The following FAM135B variants were observed in gnomAD, a reference collection of about 807,000 sequenced individuals.
The protein encoded by FAM135B is protein FAM135B.
In FAM135B, 43 loss-of-function variants were observed where a neutral mutation model predicts 127.7. The ratio of observed to expected loss-of-function variants is 0.34; its 90% CI spans 0.26 to 0.43. The LOEUF (loss-of-function observed/expected upper bound fraction) is 0.43. Among genes scored for constraint, FAM135B ranks in the 20% least tolerant of loss-of-function variants. The pLI, the probability that FAM135B is intolerant of heterozygous loss-of-function variation, is 1.00. For synonymous variants in FAM135B, 670 were observed against 665.1 expected (o/e 1.01, Z -0.11); for missense variants, 1,558 against 1,725.6 (o/e 0.90, Z 1.72).
At chr8:138,143,886 T>A (rs1373032160) in intron 15 of FAM135B, among the ~76,000 whole-genome samples, 1 of 152,078 alleles carries the variant, frequency 6.6e-6, no homozygotes, top group Non-Finnish European at 1.5e-5. Context: ...AAGGAGTACG[T>A]GTTGGAGGAT....
chr8:138,465,177 T>G (rs1020545983), intron 1 of FAM135B, among the ~76,000 whole-genome samples: 1 of 152,022 alleles, frequency 6.6e-6, no homozygotes. Context: ...AGTTCCAAAG[T>G]AGGGGGAAAG....
At chr8:138,168,157 G>A in intron 11 of FAM135B, 108 bp from the exon 12 acceptor site, 3 of 1,230,422 alleles carry the variant, frequency 2.4e-6, no homozygotes, top group Non-Finnish European at 3.3e-6. Context: ...GCTGACTCTG[G>A]CAATTGTCTG....
chr8:138,476,722 C>T (rs1814475125), intron 1 of FAM135B, among the ~76,000 whole-genome samples: 1 of 152,106 alleles, frequency 6.6e-6, no homozygotes, highest in Non-Finnish European at 1.5e-5. Context: ...AATTAAAGGG[C>T]TCTGGGCAAA....
intron 4 of FAM135B, among the ~76,000 whole-genome samples, chr8:138,259,415 A>G (rs1379165094): frequency 6.6e-6 from 1 of 152,214 alleles, no homozygotes; most frequent in Non-Finnish European, 1.5e-5. Flanking sequence ...TCTCATCCAT[A>G]AAATGGGAGT....
intron 1 of FAM135B, among the ~76,000 whole-genome samples, chr8:138,495,088 G>A (rs1815342202): frequency 6.6e-6 from 1 of 152,188 alleles, no homozygotes; most frequent in Non-Finnish European, 1.5e-5. Context: ...GATGTTTAAT[G>A]ATTTGCCAAT....
At chr8:138,148,721 G>A (rs2130696158) in intron 13 of FAM135B, 35 bp from the exon 14 acceptor site, 1 of 1,526,290 alleles carries the variant, frequency 6.6e-7, no homozygotes, top group Non-Finnish European at 9.0e-7. Flanking sequence ...AAGCCAAGCT[G>A]TGTACTTCAT....
At chr8:138,406,744 T>C (rs1833522816) in intron 1 of FAM135B, among the ~76,000 whole-genome samples, 1 of 151,012 alleles carries the variant, frequency 6.6e-6, no homozygotes, top group African/African-American at 2.4e-5. Context: ...AAATTAGGTA[T>C]TGATGGGACG....
intron 7 of FAM135B, among the ~76,000 whole-genome samples, chr8:138,229,775 G>A (rs1819772923): frequency 6.6e-6 from 1 of 152,154 alleles, no homozygotes; most frequent in Non-Finnish European, 1.5e-5. Context: ...TACAATCATG[G>A]CAAATGGCAC....
chr8:138,133,746 G>A (rs1816390558), intron 19 of FAM135B, among the ~76,000 whole-genome samples: 1 of 152,156 alleles, frequency 6.6e-6, no homozygotes, highest in Non-Finnish European at 1.5e-5. Flanking sequence ...GCCACGTGAA[G>A]GAACTCAACA....
chr8:138,442,728 C>G (rs946954288), intron 1 of FAM135B, among the ~76,000 whole-genome samples: 1 of 152,032 alleles, frequency 6.6e-6, no homozygotes, highest in Non-Finnish European at 1.5e-5. Context: ...ACCAAGTCCC[C>G]TTAGTAATGA....
intron 11 of FAM135B, among the ~76,000 whole-genome samples, chr8:138,171,290 G>A (rs1295431690): frequency 2.0e-5 from 3 of 152,084 alleles, no homozygotes; most frequent in Non-Finnish European, 2.9e-5. Context: ...GAAGCAAGTC[G>A]GGGAGAAGTG....
chr8:138,209,866 C>T (rs1818004316), intron 7 of FAM135B, among the ~76,000 whole-genome samples: 1 of 152,186 alleles, frequency 6.6e-6, no homozygotes, highest in Admixed American at 6.5e-5. Flanking sequence ...ATAGCACAGC[C>T]TGGCTCAAAA....
intron 1 of FAM135B, among the ~76,000 whole-genome samples, chr8:138,414,699 T>C (rs1834045912): frequency 1.3e-5 from 2 of 152,144 alleles, no homozygotes; most frequent in African/African-American, 2.4e-5. Flanking sequence ...TAGAGTTTGA[T>C]TGGACTAAGA....
chr8:138,225,870 G>C (rs1201180376), intron 7 of FAM135B, among the ~76,000 whole-genome samples: 2 of 152,150 alleles, frequency 1.3e-5, no homozygotes, highest in Admixed American at 6.5e-5. Flanking sequence ...GGGTGGTGGT[G>C]CATGGTTCCT....
intron 1 of FAM135B, among the ~76,000 whole-genome samples, chr8:138,371,591 A>G (rs1052186575): frequency 1.3e-5 from 2 of 151,936 alleles, no homozygotes; most frequent in Non-Finnish European, 2.9e-5. Flanking sequence ...AGGGCAGGAC[A>G]TGATTCAGAT....
chr8:138,238,131 C>T (rs1048369738), intron 7 of FAM135B, among the ~76,000 whole-genome samples: 23 of 152,140 alleles, frequency 1.5e-4, no homozygotes, highest in Admixed American at 1.4e-3. Flanking sequence ...AGGAAAACCA[C>T]GTGGCAGACT....
intron 2 of FAM135B, among the ~76,000 whole-genome samples, chr8:138,344,385 C>T (rs1259078673): frequency 6.6e-6 from 1 of 152,124 alleles, no homozygotes; most frequent in Non-Finnish European, 1.5e-5. Flanking sequence ...GGTGGCCTCA[C>T]TTCATTTTCT....
chr8:138,418,484 A>G (rs1022816081), intron 1 of FAM135B, among the ~76,000 whole-genome samples: 1 of 152,104 alleles, frequency 6.6e-6, no homozygotes, highest in Non-Finnish European at 1.5e-5. Flanking sequence ...AATTAGTTAT[A>G]GACACATAGT....
At chr8:138,455,495 T>C (rs989945400) in intron 1 of FAM135B, among the ~76,000 whole-genome samples, 1 of 152,148 alleles carries the variant, frequency 6.6e-6, no homozygotes, top group Non-Finnish European at 1.5e-5. Flanking sequence ...GTGCCAGACA[T>C]TGTTCTGAGA....
Sources: allele counts gnomAD v4.1 joint callset (sites outside exome capture counted in the v4.1 genomes callset), GRCh38; gene constraint gnomAD v4.1.1; transcripts MANE v1.5; gene names NCBI Gene and HGNC (gene_info 2026-07-23, HGNC 2026-07-21).